CCDC186: variants seen among roughly 807,000 people sequenced by gnomAD.
CCDC186 encodes the protein coiled-coil domain-containing protein 186.
CCDC186 carries 49 observed loss-of-function variants against 113.7 expected under a neutral mutation model. The observed-to-expected ratio is 0.43, with a 90% CI of 0.34 to 0.55. The LOEUF is 0.55. CCDC186 is among the 20% of genes least tolerant of loss of function. The pLI, the probability that CCDC186 is intolerant of heterozygous loss-of-function variation, is 0.02. For missense variants in CCDC186, 890 were observed against 1,011.1 expected (o/e 0.88, Z 1.62); for synonymous variants, 355 against 345.8 (o/e 1.03, Z -0.30).
At chr10:114,131,828 C>T in intron 11 of CCDC186, 101 bp downstream of exon 11, 1 of 1,026,254 alleles carries the variant, frequency 9.7e-7, no homozygotes, top group Non-Finnish European at 1.3e-6. Context: ...AGTCAGTGTC[C>T]AGGAAAGAAC....
intron 2 of CCDC186, 58 bp from the exon 3 acceptor site, chr10:114,157,738 A>G: frequency 1.5e-6 from 2 of 1,341,856 alleles, no homozygotes; most frequent in South Asian, 2.6e-5. Flanking sequence ...ATAAAATAAT[A>G]TGTGGAATAT....
chr10:114,166,317 T>C (rs2032335421), intron 1 of CCDC186, among the ~76,000 whole-genome samples: 2 of 152,232 alleles, frequency 1.3e-5, no homozygotes, highest in South Asian at 4.1e-4. Flanking sequence ...AACATTTCAA[T>C]GGCTTTGTTC....
intron 6 of CCDC186, among the ~76,000 whole-genome samples, chr10:114,142,050 T>C (rs2031486033): frequency 6.6e-6 from 1 of 152,186 alleles, no homozygotes; most frequent in Admixed American, 6.6e-5. Context: ...ACATAGAATA[T>C]AGTTTTATTA....
intron 3 of CCDC186, among the ~76,000 whole-genome samples, chr10:114,152,419 C>T (rs573049470): frequency 1.3e-5 from 2 of 151,890 alleles, no homozygotes; most frequent in Non-Finnish European, 2.9e-5. Context: ...TGATGGCAAT[C>T]GAGTTCAGTG....
chr10:114,127,857 GT>G (rs1346054104), intron 13 of CCDC186, among the ~76,000 whole-genome samples, 186 bp from the exon 14 acceptor site: 6 of 152,136 alleles, frequency 3.9e-5, no homozygotes, highest in Non-Finnish European at 8.8e-5. Flanking sequence ...TACCAACAGG[GT>G]CTATACTGTA....
chr10:114,124,823 G>C lies in CCDC186; in HGVS notation c.*320C>G, dbSNP rs951860492. 4.5e-6 allele frequency: 1 copy of C among 220,114 alleles called. No homozygotes were observed. Among genetic ancestry groups the C allele is most frequent in the African/African-American group, 2.3e-5 (1 of 44,194 alleles). 13.6% of individuals were successfully genotyped at this position (220,114 alleles called of 1,614,324 possible). Reference sequence around the variant, plus strand: ...TTGACATTACATATTTTAAAGGGAAGAAATATGAACAAAGGGTTTTTTATA... The same window carrying C: ...TTGACATTACATATTTTAAAGGGAACAAATATGAACAAAGGGTTTTTTATA... On this transcript the variant is annotated 3_prime_UTR_variant, in exon 16 of 16. Transcript: ENST00000369287.
chr10:114,127,059 C>A (rs2030928983), intron 14 of CCDC186, among the ~76,000 whole-genome samples: 1 of 152,120 alleles, frequency 6.6e-6, no homozygotes, highest in Admixed American at 6.6e-5. Flanking sequence ...AAGCCACAGG[C>A]ACAGCGCCTT....
chr10:114,140,758 GT>G (rs995466609), intron 6 of CCDC186, among the ~76,000 whole-genome samples: 8 of 151,362 alleles, frequency 5.3e-5, no homozygotes, highest in African/African-American at 1.9e-4. Context: ...ATGTCAATCT[GT>G]TTTTTTTCTC....
At chr10:114,147,225 A>C (rs2031673905) in intron 4 of CCDC186, among the ~76,000 whole-genome samples, 1 of 152,224 alleles carries the variant, frequency 6.6e-6, no homozygotes, top group Admixed American at 6.5e-5. Flanking sequence ...CATCTATTGG[A>C]AACAAAGTAG....
rs763692482 is a variant in CCDC186 at position 114,125,167 on chromosome 10, T to C, written c.2673A>G (p.Leu891=). ...TTTAGGTTTTCTTTGTCCTCTGTTC[T>C]AGTTCATGCTGGTGTTTAATAAGAC... ...IERLIKHQHE[L]EQRTKKT Residue 891 remains leucine, a synonymous_variant, in exon 16 of 16, where the codon CTA becomes CTG. Coordinates refer to ENST00000369287, the MANE Select transcript of CCDC186 (RefSeq NM_018017.4). The C allele has an allele frequency of 4.3e-5, 70 of 1,610,730 alleles. No homozygotes were observed. Among genetic ancestry groups the C allele is most frequent in the Non-Finnish European group, 5.5e-5 (65 of 1,178,494 alleles).
At chr10:114,145,835 T>C (rs1182979133) in intron 4 of CCDC186, 74 bp from the exon 5 acceptor site, 2 of 1,345,956 alleles carry the variant, frequency 1.5e-6, no homozygotes, top group East Asian at 4.7e-5. Context: ...TACATGGTAT[T>C]TGTCTCTTAT....
In CCDC186 at chr10:114,137,064, C is replaced by T. The variant is rs181033404; in HGVS notation, c.1326+122G>A. 1.3e-4 allele frequency: 83 copies of T among 657,114 alleles called. No homozygotes were observed. The East Asian group carries it at 2.2e-3, about 17-fold the overall frequency. 40.7% of individuals were successfully genotyped at this position (657,114 alleles called of 1,614,324 possible). A position where few individuals can be genotyped will look rare whatever the true frequency, so the allele number is the denominator to read the frequency against. On this transcript the variant is annotated intron_variant, in intron 7 of 15. Coordinates refer to ENST00000369287, the MANE Select transcript of CCDC186 (RefSeq NM_018017.4). ...CCCGGGAGGCAGAGGTTGCAGTGAG[C>T]CGAGACTGTGCCATTGAACTCCAGC...
At chr10:114,169,581 A>T (rs2032435389) in intron 1 of CCDC186, among the ~76,000 whole-genome samples, 1 of 152,188 alleles carries the variant, frequency 6.6e-6, no homozygotes, top group South Asian at 2.1e-4. Context: ...ACACTTCTCA[A>T]GTAATATCCA....
chr10:114,132,067 A>G lies in CCDC186; in HGVS notation c.1773T>C (p.Phe591=), dbSNP rs2031105754. 6.2e-7 allele frequency: 1 copy of G among 1,613,604 alleles called. No individual in the cohort carries two copies. The highest frequency in any genetic ancestry group is 8.5e-7 in the Non-Finnish European group (1 of 1,179,806). The stretch of plus-strand genomic sequence containing the variant: ...CATTCTTACTAGTGAGCCTTTCTGT[A>G]AACAGCAGCAGCTCAGATTCTCTTT... ...SRKRESELLL[F]TERLTSKNAQ... is the part of the protein sequence containing the mutation. The change falls in exon 11 of 16, where the codon TTT becomes TTC. Residue 591 remains phenylalanine (F), a synonymous_variant. Coordinates refer to ENST00000369287, the MANE Select transcript of CCDC186 (RefSeq NM_018017.4).
intron 14 of CCDC186, 136 bp from the exon 15 acceptor site, chr10:114,126,241 C>T: frequency 1.5e-6 from 1 of 664,000 alleles, no homozygotes; most frequent in South Asian, 2.1e-5. Context: ...GAAAAGAATT[C>T]TCCTTATTCA....
In CCDC186 at chr10:114,132,197, A is replaced by G. The variant is rs1297049022; in HGVS notation, c.1656-13T>C. 1 of 1,506,006 alleles carries G rather than the reference A, an allele frequency of 6.6e-7. No individual in the cohort carries two copies. Among genetic ancestry groups the G allele is most frequent in the South Asian group, 1.3e-5 (1 of 79,990 alleles). The allele number at this position is 1,506,006 out of a possible 1,614,324, so 93.3% of individuals were successfully genotyped here. A position where few individuals can be genotyped will look rare whatever the true frequency, so the allele number is the denominator to read the frequency against. On this transcript the variant is annotated splice_polypyrimidine_tract_variant and intron_variant, in intron 10 of 15. Transcript: ENST00000369287. ...TTCTTGCTTACCTCTAAAACACAAA[A>G]TTTATATTTAAGAAAAAATAAACCA...
intron 6 of CCDC186, among the ~76,000 whole-genome samples, chr10:114,143,060 A>C (rs921189484): frequency 1.3e-5 from 2 of 152,218 alleles, no homozygotes; most frequent in Admixed American, 1.3e-4. Context: ...CTTGCTGGTT[A>C]ATAAATGCCT....
intron 1 of CCDC186, among the ~76,000 whole-genome samples, chr10:114,167,799 TAAA>T (rs60257583): frequency 5.5e-4 from 39 of 71,300 alleles, no homozygotes; most frequent in East Asian, 4.4e-3. Flanking sequence ...CTAATCTCCG[TAAA>T]AAAAAAAAAA....
chr10:114,132,490 T>C (rs969337283), intron 10 of CCDC186, among the ~76,000 whole-genome samples: 3 of 152,184 alleles, frequency 2.0e-5, no homozygotes, highest in African/African-American at 4.8e-5. Context: ...CTCAAACTAA[T>C]ACTTGAAGCA....
Sources: gnomAD v4.1 joint callset for allele counts (sites outside exome capture counted in the v4.1 genomes callset) on GRCh38, gnomAD v4.1.1 for gene constraint, MANE v1.5 for transcripts, NCBI Gene and HGNC (gene_info 2026-07-23, HGNC 2026-07-21) for gene names.